ZNF385D: variants seen among roughly 807,000 people sequenced by gnomAD.
ZNF385D encodes the protein zinc finger protein 659.
Under a neutral mutation model 35.8 loss-of-function variants are expected in ZNF385D, and 15 were observed. The ratio of observed to expected loss-of-function variants is 0.42; its 90% confidence interval spans 0.28 to 0.64. The LOEUF (loss-of-function observed/expected upper bound fraction) is 0.64. ZNF385D is among the 30% of genes least tolerant of loss of function. The pLI, the probability that ZNF385D is intolerant of heterozygous loss-of-function variation, is 0.23. For synonymous variants in ZNF385D, 212 were observed against 186.8 expected (o/e 1.13, Z -1.10); for missense variants, 474 against 494.6 (o/e 0.96, Z 0.39).
At chr3:22,270,386 C>A (rs1479195359) in intron 2 of ZNF385D, among the ~76,000 whole-genome samples, 1 of 151,956 alleles carries the variant, frequency 6.6e-6, no homozygotes, top group African/African-American at 2.4e-5. Flanking sequence ...AATAGAGAAG[C>A]CTGTCTGTTT....
intron 4 of ZNF385D, chr3:21,441,818 A>G (rs1039234334): frequency 9.1e-6 from 7 of 767,726 alleles, no homozygotes; most frequent in Non-Finnish European, 1.6e-6. Flanking sequence ...ATTTCTTTGC[A>G]CTACTCTACC....
At chr3:21,975,976 A>G (rs1197745266) in intron 3 of ZNF385D, among the ~76,000 whole-genome samples, 1 of 152,120 alleles carries the variant, frequency 6.6e-6, no homozygotes, top group African/African-American at 2.4e-5. Flanking sequence ...GCATTTCCAC[A>G]GTTCTAGGGA....
intron 3 of ZNF385D, among the ~76,000 whole-genome samples, chr3:21,925,088 T>G (rs965227952): frequency 6.6e-6 from 1 of 152,178 alleles, no homozygotes; most frequent in Non-Finnish European, 1.5e-5. Flanking sequence ...AAAATTGATA[T>G]ACAGATTTAA....
intron 2 of ZNF385D, among the ~76,000 whole-genome samples, chr3:21,569,806 G>T (rs1254375179): frequency 6.7e-6 from 1 of 148,590 alleles, no homozygotes; most frequent in Non-Finnish European, 1.5e-5. Flanking sequence ...ACTATCGCAA[G>T]GACAAAAAAC....
chr3:21,535,915 A>G (rs1049487625), intron 3 of ZNF385D, among the ~76,000 whole-genome samples: 3 of 152,056 alleles, frequency 2.0e-5, no homozygotes, highest in African/African-American at 7.2e-5. Flanking sequence ...TGCCTATACG[A>G]CTAATTTGCA....
chr3:21,999,816 A>T (rs1695723746), intron 3 of ZNF385D, among the ~76,000 whole-genome samples: 1 of 152,102 alleles, frequency 6.6e-6, no homozygotes, highest in Admixed American at 6.5e-5. Flanking sequence ...AGTGATGAAG[A>T]AAAACTGTGT....
chr3:22,365,846 T>C (rs1696633683), intron 2 of ZNF385D, among the ~76,000 whole-genome samples: 1 of 152,110 alleles, frequency 6.6e-6, no homozygotes, highest in South Asian at 2.1e-4. Context: ...CCCCTAGACA[T>C]AGCATTCACT....
intron 3 of ZNF385D, among the ~76,000 whole-genome samples, chr3:22,125,269 T>C (rs1241386383): frequency 6.6e-6 from 1 of 152,152 alleles, no homozygotes; most frequent in Non-Finnish European, 1.5e-5. Flanking sequence ...CTTTCACTAG[T>C]GTATGCATCT....
chr3:21,504,752 T>A (rs1223150191), intron 4 of ZNF385D, among the ~76,000 whole-genome samples: 2 of 152,114 alleles, frequency 1.3e-5, no homozygotes, highest in Non-Finnish European at 2.9e-5. Context: ...AAGGTGTGCC[T>A]CTAGTGGAAA....
intron 3 of ZNF385D, among the ~76,000 whole-genome samples, chr3:21,962,418 T>A (rs1393233974): frequency 6.6e-6 from 1 of 152,192 alleles, no homozygotes; most frequent in East Asian, 1.9e-4. Context: ...TGAAGTTTAA[T>A]TTTGGAAATG....
chr3:21,901,200 C>T (rs186528157), intron 3 of ZNF385D, among the ~76,000 whole-genome samples: 69 of 152,244 alleles, frequency 4.5e-4, no homozygotes, highest in African/African-American at 1.1e-3. Context: ...GGTCATAGAA[C>T]GGTTAAATCC....
At chr3:22,040,675 G>A (rs937434328) in intron 3 of ZNF385D, among the ~76,000 whole-genome samples, 1 of 152,158 alleles carries the variant, frequency 6.6e-6, no homozygotes, top group Admixed American at 6.5e-5. Flanking sequence ...GACTTCAGGA[G>A]ACTTGGCAAT....
rs1373543238 is a variant in ZNF385D at position 21,678,390 on chromosome 3, A to G, written c.23-13362T>C. Among the ~76,000 whole-genome samples the G allele has an allele frequency of 2.6e-5, 4 of 152,192 alleles. No homozygotes were observed. The East Asian group carries it at 7.7e-4, about 29-fold the overall frequency. On this transcript the variant is annotated intron_variant, in intron 1 of 7. Coordinates refer to ENST00000281523, the MANE Select transcript of ZNF385D (RefSeq NM_024697.3). Reference sequence around the variant, plus strand: ...TACCTGAGATTCGCTCATGATTCCAATGTGACTGAATGCCTTGAGAATATA... The same window carrying G: ...TACCTGAGATTCGCTCATGATTCCAGTGTGACTGAATGCCTTGAGAATATA...
At chr3:21,565,049 C>T (rs944384102) in intron 2 of ZNF385D, among the ~76,000 whole-genome samples, 3 of 152,060 alleles carry the variant, frequency 2.0e-5, no homozygotes, top group Non-Finnish European at 2.9e-5. Context: ...TATACCATTG[C>T]CCAAAAATGG....
intron 3 of ZNF385D, among the ~76,000 whole-genome samples, chr3:21,904,709 G>A (rs1559740266): frequency 6.6e-6 from 1 of 152,094 alleles, no homozygotes; most frequent in Non-Finnish European, 1.5e-5. Context: ...TTCTGTTATT[G>A]TCTACTGCTT....
intron 2 of ZNF385D, among the ~76,000 whole-genome samples, chr3:22,249,661 CAGAT>C (rs1699966502): frequency 1.3e-5 from 2 of 152,290 alleles, no homozygotes; most frequent in South Asian, 4.1e-4. Context: ...GATAAGTCCA[CAGAT>C]AACTGAAGAG....
At chr3:21,888,630 T>C (rs900160095) in intron 3 of ZNF385D, among the ~76,000 whole-genome samples, 2 of 152,066 alleles carry the variant, frequency 1.3e-5, no homozygotes, top group African/African-American at 2.4e-5. Flanking sequence ...GTCTAGTTAC[T>C]TTTTCAGGAA....
chr3:22,246,439 A>G (rs1699787475), intron 2 of ZNF385D, among the ~76,000 whole-genome samples: 1 of 152,118 alleles, frequency 6.6e-6, no homozygotes, highest in South Asian at 2.1e-4. Context: ...GACGGCCCTC[A>G]AAAAAGAAAC....
chr3:22,068,356 G>A (rs777413820), intron 3 of ZNF385D, among the ~76,000 whole-genome samples: 17 of 151,960 alleles, frequency 1.1e-4, no homozygotes, highest in Non-Finnish European at 2.9e-5. Flanking sequence ...TTTACCGCCT[G>A]TCCCTTCATG....
Sources: gnomAD v4.1 joint callset for allele counts (sites outside exome capture counted in the v4.1 genomes callset) on GRCh38, gnomAD v4.1.1 for gene constraint, MANE v1.5 for transcripts, NCBI Gene and HGNC (gene_info 2026-07-23, HGNC 2026-07-21) for gene names.